Variants in DRC10 observed in about 807,000 individuals in gnomAD.
DRC10 encodes IQ domain-containing protein D.
the DRC10 span, among the ~76,000 whole-genome samples, chr12:113,196,444 C>A: frequency 6.6e-6 from 1 of 152,186 alleles, no homozygotes; most frequent in Non-Finnish European, 1.5e-5. Context: ...CTGTCATTTA[C>A]ACCCGTTTTC....
chr12:113,214,363 G>A, the DRC10 span, among the ~76,000 whole-genome samples: 24 of 151,884 alleles, frequency 1.6e-4, no homozygotes, highest in Admixed American at 3.9e-4. Flanking sequence ...AAAATTAGCC[G>A]GGTGTGGTGA....
the DRC10 span, among the ~76,000 whole-genome samples, chr12:113,196,369 G>C: frequency 1.3e-5 from 2 of 152,268 alleles, no homozygotes; most frequent in African/African-American, 4.8e-5. Context: ...AGAGGAGAAG[G>C]AACTTTCTCA....
the DRC10 span, among the ~76,000 whole-genome samples, chr12:113,196,857 C>T: frequency 1.3e-5 from 2 of 152,272 alleles, no homozygotes; most frequent in African/African-American, 4.8e-5. Context: ...GTGCTGGGCA[C>T]ACACACTTGC....
the DRC10 span, among the ~76,000 whole-genome samples, chr12:113,213,964 A>C: frequency 2.1e-4 from 32 of 151,988 alleles, no homozygotes; most frequent in African/African-American, 7.5e-4. Flanking sequence ...AAAACAAAAA[A>C]CAAAAAAACC....
the DRC10 span, among the ~76,000 whole-genome samples, chr12:113,201,854 G>A: frequency 6.6e-6 from 1 of 152,228 alleles, no homozygotes; most frequent in Non-Finnish European, 1.5e-5. Context: ...TGCAGGCAAG[G>A]CTTTAGGCAC....
chr12:113,197,606 A>G, the DRC10 span: 7 of 1,525,968 alleles, frequency 4.6e-6, no homozygotes, highest in East Asian at 1.7e-4. Flanking sequence ...TCCACTTTAT[A>G]TTTCTTCTAG....
At chr12:113,208,144 A>G in the DRC10 span, 1 of 1,613,722 alleles carries the variant, frequency 6.2e-7, no homozygotes, top group African/African-American at 1.3e-5. Flanking sequence ...CAAAGGGGCC[A>G]TGGCGAGAAT....
chr12:113,200,537 A>AC, the DRC10 span: 8 of 609,382 alleles, frequency 1.3e-5, no homozygotes, highest in Non-Finnish European at 2.3e-5. Context: ...CATCCCCCCC[A>AC]CCAGGGGCCC....
the DRC10 span, among the ~76,000 whole-genome samples, chr12:113,211,172 C>G: frequency 9.8e-5 from 15 of 152,286 alleles, no homozygotes; most frequent in Admixed American, 8.5e-4. Flanking sequence ...ACCTCGACTT[C>G]CTGGGCTCAA....
chr12:113,208,285 G>C, the DRC10 span: 34 of 1,455,704 alleles, frequency 2.3e-5, no homozygotes, highest in African/African-American at 4.1e-4. Context: ...GTAGGTGTGA[G>C]TGCAGCTGTG....
the DRC10 span, chr12:113,200,290 G>T: frequency 3.5e-6 from 2 of 574,712 alleles, no homozygotes; most frequent in Non-Finnish European, 6.5e-6. Flanking sequence ...AGGAGTTGAG[G>T]AACTTGCCCA....
chr12:113,208,335 C>G, the DRC10 span: 1 of 1,421,984 alleles, frequency 7.0e-7, no homozygotes, highest in African/African-American at 1.4e-5. Context: ...GAAACCACAA[C>G]TGTTGACATC....
chr12:113,203,654 T>C, the DRC10 span, among the ~76,000 whole-genome samples: 1 of 151,982 alleles, frequency 6.6e-6, no homozygotes, highest in Non-Finnish European at 1.5e-5. Flanking sequence ...TTTTATATTA[T>C]GAGTAGAGAT....
the DRC10 span, chr12:113,195,699 G>C: frequency 1.2e-6 from 2 of 1,613,676 alleles, no homozygotes; most frequent in Admixed American, 3.3e-5. Context: ...CTTCCATAGG[G>C]CCTGGATGAG....
the DRC10 span, among the ~76,000 whole-genome samples, chr12:113,219,794 T>C: frequency 7.4e-4 from 99 of 133,408 alleles, no homozygotes; most frequent in African/African-American, 3.6e-3. Flanking sequence ...CACCTCAGCC[T>C]TATTTATTTA....
the DRC10 span, among the ~76,000 whole-genome samples, chr12:113,220,549 C>T: frequency 2.0e-5 from 3 of 152,080 alleles, no homozygotes; most frequent in African/African-American, 4.8e-5. Flanking sequence ...CCACCATGCT[C>T]GGCAAAAACA....
chr12:113,208,323 C>T, the DRC10 span: 1 of 1,427,774 alleles, frequency 7.0e-7, no homozygotes. Context: ...AGTGTGGCTG[C>T]AGAAACCACA....
At chr12:113,209,540 C>T in the DRC10 span, among the ~76,000 whole-genome samples, 4 of 152,214 alleles carry the variant, frequency 2.6e-5, no homozygotes, top group East Asian at 7.7e-4. Context: ...TATAGGTGCT[C>T]GATGCCTAGC....
At chr12:113,200,483 G>C in the DRC10 span, 4 of 992,366 alleles carry the variant, frequency 4.0e-6, no homozygotes, top group East Asian at 1.0e-4. Context: ...GTCCTGCCCT[G>C]CCCAACACTG....
Sources: gnomAD v4.1 joint callset for allele counts (sites outside exome capture counted in the v4.1 genomes callset) on GRCh38, gnomAD v4.1.1 for gene constraint, MANE v1.5 for transcripts, NCBI Gene and HGNC (gene_info 2026-07-23, HGNC 2026-07-21) for gene names.